Variants in HSD11B1 observed in about 807,000 individuals in gnomAD.
The protein encoded by HSD11B1 is hydroxysteroid 11-beta dehydrogenase 1, also known as 11-beta-hydroxysteroid dehydrogenase 1.
HSD11B1 carries 15 observed loss-of-function variants against 22.1 expected under a neutral mutation model. The ratio of observed to expected loss-of-function variants is 0.68; its 90% CI spans 0.45 to 1.04. The LOEUF (loss-of-function observed/expected upper bound fraction) is 1.04, where lower values mean the gene tolerates loss of function less well. Ranked by LOEUF, HSD11B1 falls within the 50% of genes least tolerant of loss-of-function variation. The pLI, the probability that HSD11B1 is intolerant of heterozygous loss-of-function variation, is 0.00. For missense variants in HSD11B1, 281 were observed against 357.6 expected (o/e 0.79, Z 1.73); for synonymous variants, 122 against 125.2 (o/e 0.97, Z 0.17).
chr1:209,705,006 T>C lies in HSD11B1; in HGVS notation c.64T>C (p.Ser22Pro). 1 of 1,613,848 alleles carries C rather than the reference T, an allele frequency of 6.2e-7. No individual in the cohort carries two copies. The highest frequency in any genetic ancestry group is 8.5e-7 in the Non-Finnish European group (1 of 1,179,768). Residue 22 changes from serine (S) to proline (P), a missense_variant, in exon 1 of 6, where the codon TCT becomes CCT. Transcript: ENST00000367027. ...LGLFMAYYYY[S>P]ANEEFRPEML... The stretch of plus-strand genomic sequence containing the variant: ...GCTCTTCATGGCCTACTACTACTAT[T>C]CTGCAAACGAGGAATTCAGACCAGG...
intron 4 of HSD11B1, among the ~76,000 whole-genome samples, chr1:209,720,802 A>G (rs765066731): frequency 1.3e-5 from 2 of 152,108 alleles, no homozygotes; most frequent in African/African-American, 2.4e-5. Context: ...TGTCAGTATT[A>G]CTGTACTGGG....
At chr1:209,718,371 T>A (rs1049036131) in intron 4 of HSD11B1, among the ~76,000 whole-genome samples, 1 of 152,174 alleles carries the variant, frequency 6.6e-6, no homozygotes, top group African/African-American at 2.4e-5. Context: ...ATATTACGTA[T>A]CAACTTAAAT....
intron 1 of HSD11B1, among the ~76,000 whole-genome samples, chr1:209,699,551 C>T (rs1482640998): frequency 6.6e-6 from 1 of 152,094 alleles, no homozygotes; most frequent in Non-Finnish European, 1.5e-5. Context: ...TTCTGGGAGA[C>T]ACAATTCAAG....
chr1:209,689,745 T>C (rs2076748236), intron 1 of HSD11B1, among the ~76,000 whole-genome samples: 1 of 152,200 alleles, frequency 6.6e-6, no homozygotes, highest in African/African-American at 2.4e-5. Context: ...CAGGTGGAGA[T>C]GTCGGCACCG....
At position 209,704,933 on chromosome 1, in the gene HSD11B1, T is replaced by A; in HGVS notation, c.-10T>A. ...GTCCTACAGGAGTCTTCAGGCCAGC[T>A]CCCTGTCGGATGGCTTTTATGAAAA... On this transcript the variant is annotated 5_prime_UTR_variant, in exon 1 of 6. Transcript: ENST00000367027. The A allele has an allele frequency of 6.2e-7, 1 of 1,610,876 alleles. No individual in the cohort carries two copies. The highest frequency in any genetic ancestry group is 8.5e-7 in the Non-Finnish European group (1 of 1,177,160).
At chr1:209,727,270 G>T (rs9430012) in intron 4 of HSD11B1, among the ~76,000 whole-genome samples, 1,887 of 152,102 alleles carry the variant, frequency 0.012, 32 homozygotes, top group African/African-American at 0.042. Context: ...ATAGGTTTTG[G>T]GGGGAGCATG....
At chr1:209,716,159 T>C (rs1318297010) in intron 4 of HSD11B1, among the ~76,000 whole-genome samples, 1 of 152,172 alleles carries the variant, frequency 6.6e-6, no homozygotes, top group African/African-American at 2.4e-5. Flanking sequence ...CTCATTCACA[T>C]GACATGATTT....
At chr1:209,686,307 T>G (rs1015376181) in intron 1 of HSD11B1, 1 of 152,192 alleles carries the variant, frequency 6.6e-6, no homozygotes. Context: ...AAAAATCACA[T>G]TATATATAAT....
chr1:209,705,104 C>A (rs1351536400), intron 1 of HSD11B1, 74 bp downstream of exon 1: 3 of 1,147,952 alleles, frequency 2.6e-6, no homozygotes, highest in Non-Finnish European at 2.6e-6. Flanking sequence ...TCCTGAGGAC[C>A]AAGATGTGTT....
At position 209,726,293 on chromosome 1, in the gene HSD11B1, AAAAAAAAAAAACC is replaced by A. The variant is rs1348430237; in HGVS notation, c.518-6137_518-6125del. Among the ~76,000 whole-genome samples, 723 of 151,578 alleles carry A rather than the reference AAAAAAAAAAAACC, an allele frequency of 4.8e-3. 6 individuals are homozygous for A. Among genetic ancestry groups the A allele is most frequent in the African/African-American group, 0.016 (646 of 41,156 alleles). On this transcript the variant is annotated intron_variant, in intron 4 of 5. Coordinates refer to ENST00000367027, the MANE Select transcript of HSD11B1 (RefSeq NM_005525.4). ...AGACTCCGTAAAAAAAAAAAAAAAA[AAAAAAAAAAAACC>A]AAAAATATTTTTTAGGCTTGGCACA... is the stretch of plus-strand genomic sequence containing the variant.
Position 209,720,697 on chromosome 1 carries a change from C to G in HSD11B1, c.518-11739C>G, listed in dbSNP as rs552941407. ...AAGAGTCATGACAACTAAATGCCAA[C>G]TCATGATCCTCAATTGGATCCTTTT... On this transcript the variant is annotated intron_variant, in intron 4 of 5. Transcript: ENST00000367027. Among the ~76,000 whole-genome samples, 10 of 151,978 alleles carry G rather than the reference C, an allele frequency of 6.6e-5. No individual in the cohort carries two copies. In the South Asian group the frequency reaches 1.9e-3, roughly 28 times the overall value.
At chr1:209,716,450 C>A (rs772806554) in intron 4 of HSD11B1, among the ~76,000 whole-genome samples, 13 of 151,734 alleles carry the variant, frequency 8.6e-5, no homozygotes, top group Non-Finnish European at 1.8e-4. Context: ...GGAAATATAT[C>A]CCATGCTCAT....
Position 209,706,939 on chromosome 1 carries a change from GCAGGAGGACTAGA to G in HSD11B1, c.332-1_343del. The G allele has an allele frequency of 6.2e-7, 1 of 1,613,788 alleles. No homozygotes were observed. Among genetic ancestry groups the G allele is most frequent in the Non-Finnish European group, 8.5e-7 (1 of 1,179,674 alleles). On this transcript the variant is annotated splice_acceptor_variant and splice_polypyrimidine_tract_variant and coding_sequence_variant and intron_variant, in exon 4 of 6. Transcript: ENST00000367027. LOFTEE classifies it high-confidence loss of function. This position sits in a 1 kb window ranked among gnomAD's most constrained non-coding sequence, Gnocchi z 4.0. ...TGATTTCTTAATATAGCCATCTCTT[GCAGGAGGACTAGA>G]CATGCTCATTCTCAACCACATCACC...
At chr1:209,715,680 G>T (rs938589047) in intron 4 of HSD11B1, among the ~76,000 whole-genome samples, 1 of 152,198 alleles carries the variant, frequency 6.6e-6, no homozygotes. Context: ...ATAAGTCCAT[G>T]AAGTCATAAA....
intron 4 of HSD11B1, among the ~76,000 whole-genome samples, chr1:209,707,597 A>G (rs1400575585): frequency 6.6e-6 from 1 of 152,146 alleles, no homozygotes; most frequent in African/African-American, 2.4e-5. Flanking sequence ...TGACACCATA[A>G]AAAATGAAGG....
intron 4 of HSD11B1, among the ~76,000 whole-genome samples, chr1:209,715,963 C>T (rs900097918): frequency 6.6e-6 from 1 of 152,162 alleles, no homozygotes; most frequent in Non-Finnish European, 1.5e-5. Flanking sequence ...ATATGACAGA[C>T]CCACAGCTAA....
At chr1:209,717,737 T>C (rs2076938672) in intron 4 of HSD11B1, among the ~76,000 whole-genome samples, 4 of 151,888 alleles carry the variant, frequency 2.6e-5, no homozygotes, top group Admixed American at 1.3e-4. Context: ...ATGCCTGTAA[T>C]CCCAGCTACT....
intron 4 of HSD11B1, among the ~76,000 whole-genome samples, chr1:209,731,445 G>A (rs1207854073): frequency 1.3e-5 from 2 of 152,140 alleles, no homozygotes; most frequent in Admixed American, 1.3e-4. Flanking sequence ...TACTTAGGAG[G>A]AAAGGAAATC....
intron 4 of HSD11B1, among the ~76,000 whole-genome samples, chr1:209,724,710 T>C (rs1005979897): frequency 2.6e-5 from 4 of 152,230 alleles, no homozygotes; most frequent in East Asian, 1.9e-4. Context: ...ATGGTTTACA[T>C]AGAGCAGAAC....
Sources: gnomAD v4.1 joint callset for allele counts (sites outside exome capture counted in the v4.1 genomes callset) on GRCh38, gnomAD v4.1.1 for gene constraint, Gnocchi (gnomAD v3.1) non-coding constraint, MANE v1.5 for transcripts, NCBI Gene and HGNC (gene_info 2026-07-23, HGNC 2026-07-21) for gene names.